PARP14: variants seen among roughly 807,000 people sequenced by gnomAD.
The protein encoded by PARP14 is poly(ADP-ribose) polymerase family member 14, also known as protein mono-ADP-ribosyltransferase PARP14.
In PARP14, 59 loss-of-function variants were observed where a neutral mutation model predicts 154.2. The ratio of observed to expected loss-of-function variants is 0.38; its 90% CI spans 0.31 to 0.48. The LOEUF (loss-of-function observed/expected upper bound fraction) is 0.48. PARP14 is among the 20% of genes least tolerant of loss of function. The probability of loss-of-function intolerance (pLI) is 0.98; values close to 1 mark genes in which losing one functional copy is unlikely to be tolerated. For missense variants in PARP14, 1,734 were observed against 2,131.6 expected (o/e 0.81, Z 3.67); for synonymous variants, 720 against 780.5 (o/e 0.92, Z 1.29).
intron 6 of PARP14, among the ~76,000 whole-genome samples, chr3:122,702,196 G>A (rs1560064758): frequency 6.6e-6 from 1 of 152,064 alleles, no homozygotes; most frequent in African/African-American, 2.4e-5. Flanking sequence ...GCAGGGGTTG[G>A]AGGGAGGCTA....
intron 5 of PARP14, among the ~76,000 whole-genome samples, chr3:122,697,173 T>G (rs1015063059): frequency 6.6e-5 from 10 of 152,254 alleles, no homozygotes; most frequent in African/African-American, 1.9e-4. Context: ...AGTCTGGTCT[T>G]GAACTCCTGG....
In PARP14 at chr3:122,728,403, G is replaced by GTGTA; in HGVS notation, c.5214_5217dup (p.Tyr1740ValfsTer30). On this transcript the variant is annotated frameshift_variant, in exon 17 of 17. Transcript: ENST00000474629. LOFTEE classifies it low-confidence loss of function (END_TRUNC). The stretch of plus-strand genomic sequence containing the variant: ...ACCAGATGCAAATGGGAGAAAGCAT[G>GTGTA]TGTATTATGTGCGAGTACTTACTGG... 1 of 1,613,748 alleles carries GTGTA rather than the reference G, an allele frequency of 6.2e-7. No homozygotes were observed.
Position 122,718,396 on chromosome 3 carries a change from G to T in PARP14, c.4245G>T (p.Lys1415Asn), listed in dbSNP as rs749431885. 2.5e-6 allele frequency: 4 copies of T among 1,612,424 alleles called. No homozygotes were observed. Among genetic ancestry groups the T allele is most frequent in the Non-Finnish European group, 3.4e-6 (4 of 1,179,510 alleles). ...TTTCAAAGCAATCTCCCCAAAAAAA[G>T]AATCATTTGGTTTTGGAAAAGAAAA... ...LGFSKQSPQKKNHLVLEKKTE... is the reference protein window; with the variant it reads ...LGFSKQSPQKNNHLVLEKKTE... The change falls in exon 14 of 17, where the codon AAG becomes AAT. Residue 1415 changes from lysine (K) to asparagine (N), a missense_variant. Physicochemically the swap from Lys to Asn is moderately conservative, Grantham distance 94. This residue lies in a region of PARP14 where 1,646 missense variants were observed against 1,976.0 expected (regional missense o/e 0.83). Coordinates refer to ENST00000474629, the MANE Select transcript of PARP14 (RefSeq NM_017554.3).
intron 5 of PARP14, among the ~76,000 whole-genome samples, chr3:122,696,119 A>G (rs1938765115): frequency 1.3e-5 from 2 of 152,196 alleles, no homozygotes; most frequent in South Asian, 4.1e-4. Flanking sequence ...TCACATGACC[A>G]GTGGATGCCT....
At chr3:122,720,218 G>C (rs1210526024) in intron 14 of PARP14, 37 bp from the exon 15 acceptor site, 5 of 1,599,898 alleles carry the variant, frequency 3.1e-6, no homozygotes, top group Non-Finnish European at 4.3e-6. Context: ...AGTGTACCGG[G>C]GATGTATGAG....
intron 15 of PARP14, among the ~76,000 whole-genome samples, chr3:122,723,132 G>T (rs985152131): frequency 2.0e-5 from 3 of 151,974 alleles, no homozygotes; most frequent in South Asian, 2.1e-4. Flanking sequence ...TAAAGATGGG[G>T]TTTCACCATG....
intron 8 of PARP14, among the ~76,000 whole-genome samples, chr3:122,707,435 ATTATT>A (rs1376534419): frequency 1.4e-5 from 2 of 141,244 alleles, no homozygotes; most frequent in Non-Finnish European, 3.1e-5. Context: ...GTGATTATAA[ATTATT>A]TTATTTAATA....
intron 9 of PARP14, among the ~76,000 whole-genome samples, chr3:122,710,422 A>T (rs756766879): frequency 1.3e-5 from 2 of 152,042 alleles, no homozygotes; most frequent in African/African-American, 4.8e-5. Context: ...CTATGTGCCT[A>T]TTTTTATACC....
chr3:122,685,349 A>G, intron 2 of PARP14, 31 bp downstream of exon 2: 1 of 1,605,050 alleles, frequency 6.2e-7, no homozygotes, highest in Non-Finnish European at 8.5e-7. Flanking sequence ...AATAAAAGGG[A>G]TTTAGGTCTC....
At position 122,699,268 on chromosome 3, in the gene PARP14, C is replaced by A. The variant is rs1171447937; in HGVS notation, c.836-122C>A. Reference sequence around the variant, plus strand: ...ATCTTGGTCTTACATTGTTTTATTTCTTTCCTTTAAGTGTTAGAAAAACAT... The same window carrying A: ...ATCTTGGTCTTACATTGTTTTATTTATTTCCTTTAAGTGTTAGAAAAACAT... On this transcript the variant is annotated intron_variant, in intron 5 of 16. Coordinates refer to ENST00000474629, the MANE Select transcript of PARP14 (RefSeq NM_017554.3). The A allele has an allele frequency of 1.1e-5, 6 of 562,016 alleles. No homozygotes were observed. The East Asian group carries it at 1.7e-4, about 16-fold the overall frequency. The allele number at this position is 562,016 out of a possible 1,614,324, so 34.8% of individuals were successfully genotyped here.
chr3:122,724,826 C>T (rs1430233125), intron 15 of PARP14, among the ~76,000 whole-genome samples: 1 of 151,994 alleles, frequency 6.6e-6, no homozygotes, highest in Non-Finnish European at 1.5e-5. Flanking sequence ...TCCCTGGGTA[C>T]TTGAGATTAG....
Position 122,701,366 on chromosome 3 carries a change from G to T in PARP14, c.2812G>T (p.Val938Phe), listed in dbSNP as rs1426355638. ...FPLGRCVETI[V>F]SAIKENFQFK... The stretch of plus-strand genomic sequence containing the variant: ...CTTAGGCCGATGCGTGGAGACCATT[G>T]TTTCTGCCATCAAGGAAAACTTCCA... Residue 938 changes from valine (V) to phenylalanine (F), a missense_variant, in exon 6 of 17, where the codon GTT becomes TTT. Coordinates refer to ENST00000474629, the MANE Select transcript of PARP14 (RefSeq NM_017554.3). This position sits in a 1 kb window ranked among gnomAD's most constrained non-coding sequence, Gnocchi z 4.0. The T allele has an allele frequency of 8.7e-6, 14 of 1,614,046 alleles. No individual in the cohort carries two copies. Among genetic ancestry groups the T allele is most frequent in the African/African-American group, 1.3e-5 (1 of 75,054 alleles).
In PARP14 at chr3:122,718,120, C is replaced by T; in HGVS notation, c.4050C>T (p.Ala1350=). 6.2e-7 allele frequency: 1 copy of T among 1,613,756 alleles called. No individual in the cohort carries two copies. The highest frequency in any genetic ancestry group is 8.5e-7 in the Non-Finnish European group (1 of 1,179,796). Reference sequence around the variant, plus strand: ...AGGTTGCTGAAGCCATAATTGATGCCATTGAAGACTTTGTCCAGAAAGGAT... The same window carrying T: ...AGGTTGCTGAAGCCATAATTGATGCTATTGAAGACTTTGTCCAGAAAGGAT... ...PDKVAEAIID[A]IEDFVQKGSA... is the part of the protein sequence containing the mutation. Residue 1350 remains alanine (A), a synonymous_variant, in exon 13 of 17, where the codon GCC becomes GCT. Transcript: ENST00000474629.
At chr3:122,706,924 T>G (rs73856261) in intron 8 of PARP14, among the ~76,000 whole-genome samples, 9,046 of 152,090 alleles carry the variant, frequency 0.059, 340 homozygotes, top group African/African-American at 0.1. Context: ...TTGGTACAAA[T>G]AGGAAATTAA....
chr3:122,686,843 T>C, intron 2 of PARP14: 1 of 479,814 alleles, frequency 2.1e-6, no homozygotes, highest in Non-Finnish European at 3.7e-6. Flanking sequence ...TATTCCCAAA[T>C]GCTTGGTGTT....
intron 4 of PARP14, among the ~76,000 whole-genome samples, chr3:122,693,223 C>T (rs181904384): frequency 9.1e-4 from 138 of 152,278 alleles, no homozygotes; most frequent in Non-Finnish European, 1.7e-3. Context: ...TGAGTAAGTG[C>T]GTGTGATGCA....
chr3:122,694,477 T>G (rs1240776382), intron 4 of PARP14, among the ~76,000 whole-genome samples: 2 of 152,178 alleles, frequency 1.3e-5, no homozygotes, highest in Non-Finnish European at 2.9e-5. Flanking sequence ...TATATTTATT[T>G]CTGTATCCTC....
chr3:122,722,313 C>A (rs1933182438), intron 15 of PARP14: 1 of 152,068 alleles, frequency 6.6e-6, no homozygotes, highest in South Asian at 2.1e-4. Context: ...AAGTATGCAG[C>A]TCTATGATGG....
chr3:122,684,917 A>G (rs1232952685), intron 1 of PARP14, among the ~76,000 whole-genome samples: 1 of 152,230 alleles, frequency 6.6e-6, no homozygotes. Flanking sequence ...AACAGTCTCC[A>G]TTAACCTTAC....
Sources: allele counts gnomAD v4.1 joint callset (sites outside exome capture counted in the v4.1 genomes callset), GRCh38; gene constraint gnomAD v4.1.1; regional missense constraint gnomAD v4.1.1; non-coding constraint Gnocchi (gnomAD v3.1); transcripts MANE v1.5; gene names NCBI Gene and HGNC (gene_info 2026-07-23, HGNC 2026-07-21).